CCSER1: variants seen among roughly 807,000 people sequenced by gnomAD.
CCSER1 encodes serine-rich coiled-coil domain-containing protein 1.
In CCSER1, 41 loss-of-function variants were observed where a neutral mutation model predicts 82.0. The ratio of observed to expected loss-of-function variants is 0.50; its 90% CI spans 0.39 to 0.65. The LOEUF is 0.65. CCSER1 is among the 30% of genes least tolerant of loss of function. CCSER1 has a pLI of 0.00. For synonymous variants in CCSER1, 414 were observed against 383.9 expected (o/e 1.08, Z -0.92); for missense variants, 1,119 against 1,064.2 (o/e 1.05, Z -0.72).
intron 1 of CCSER1, among the ~76,000 whole-genome samples, chr4:90,233,165 A>G (rs1017358194): frequency 6.6e-6 from 1 of 152,158 alleles, no homozygotes; most frequent in African/African-American, 2.4e-5. Flanking sequence ...CTATAAAGAG[A>G]CATGACACGT....
chr4:90,594,387 A>T (rs1345430682), intron 5 of CCSER1, among the ~76,000 whole-genome samples: 2 of 151,990 alleles, frequency 1.3e-5, no homozygotes, highest in Non-Finnish European at 2.9e-5. Context: ...CTCCCCCATG[A>T]TATGTATATA....
At chr4:90,455,503 G>A (rs1762048741) in intron 4 of CCSER1, among the ~76,000 whole-genome samples, 1 of 152,176 alleles carries the variant, frequency 6.6e-6, no homozygotes, top group African/African-American at 2.4e-5. Context: ...GTTGAAGATG[G>A]TTGGTTACCC....
At chr4:90,488,399 G>A (rs1186367475) in intron 5 of CCSER1, among the ~76,000 whole-genome samples, 1 of 152,058 alleles carries the variant, frequency 6.6e-6, no homozygotes, top group Non-Finnish European at 1.5e-5. Context: ...TGTTGGCCAG[G>A]CTGATTTCAA....
chr4:91,197,465 A>C (rs548134930), intron 10 of CCSER1, among the ~76,000 whole-genome samples: 175 of 152,180 alleles, frequency 1.1e-3, no homozygotes, highest in Non-Finnish European at 2.0e-3. Context: ...ACTGTTGGGC[A>C]CTTAAATGTA....
At chr4:90,967,790 A>G (rs1245198961) in intron 9 of CCSER1, among the ~76,000 whole-genome samples, 1 of 152,098 alleles carries the variant, frequency 6.6e-6, no homozygotes, top group Non-Finnish European at 1.5e-5. Context: ...CCTAAGAAAC[A>G]TATTTTTTCA....
chr4:91,595,716 GTGTC>G (rs1764532064), intron 10 of CCSER1, among the ~76,000 whole-genome samples: 1 of 151,990 alleles, frequency 6.6e-6, no homozygotes, highest in South Asian at 2.1e-4. Context: ...AAACTAGAAA[GTGTC>G]TGACTTGAAG....
chr4:91,409,138 T>C (rs1393818116), intron 10 of CCSER1, among the ~76,000 whole-genome samples: 1 of 152,174 alleles, frequency 6.6e-6, no homozygotes, highest in Non-Finnish European at 1.5e-5. Flanking sequence ...AAAAGAATCA[T>C]TTACAATAGT....
chr4:91,336,504 C>T (rs567028657), intron 10 of CCSER1, among the ~76,000 whole-genome samples: 19 of 152,054 alleles, frequency 1.2e-4, no homozygotes, highest in Non-Finnish European at 2.4e-4. Flanking sequence ...ATGCAAAACA[C>T]ATCTTTGATA....
At chr4:90,672,479 T>C (rs543238676) in intron 6 of CCSER1, among the ~76,000 whole-genome samples, 13 of 152,178 alleles carry the variant, frequency 8.5e-5, no homozygotes, top group Middle Eastern at 3.4e-3. Flanking sequence ...GATTAGGCCT[T>C]GGTTTAAGGG....
At chr4:90,170,404 C>CT (rs60642438) in intron 1 of CCSER1, among the ~76,000 whole-genome samples, 6,904 of 141,992 alleles carry the variant, frequency 0.049, 221 homozygotes, top group African/African-American at 0.091. Flanking sequence ...AACAGCTAAC[C>CT]TTTTTTTTTT....
chr4:91,505,184 A>G (rs1013811980), intron 10 of CCSER1, among the ~76,000 whole-genome samples: 2 of 152,188 alleles, frequency 1.3e-5, no homozygotes, highest in African/African-American at 4.8e-5. Context: ...TTTAAGTGAG[A>G]ACATACAGTG....
At position 90,844,674 on chromosome 4, in the gene CCSER1, C is replaced by A. The variant is rs907669186; in HGVS notation, c.2094+28829C>A. On this transcript the variant is annotated intron_variant, in intron 8 of 10. Coordinates refer to ENST00000509176, the MANE Select transcript of CCSER1 (RefSeq NM_001145065.2). ...TGTCCCCCACACCACTTGTTTCATT[C>A]CTATTATCCTGCTTTTTTTTTCTCT... Among the ~76,000 whole-genome samples the A allele has an allele frequency of 6.6e-5, 10 of 152,264 alleles. 1 individual carries two copies. The Middle Eastern group carries it at 0.02, about 311-fold the overall frequency.
chr4:90,135,809 G>A (rs765162455), intron 1 of CCSER1, among the ~76,000 whole-genome samples: 37 of 152,122 alleles, frequency 2.4e-4, no homozygotes, highest in Admixed American at 8.5e-4. Flanking sequence ...GTTGAAGTCC[G>A]TCAGTTTCAA....
At chr4:91,253,297 A>G (rs1409056101) in intron 10 of CCSER1, among the ~76,000 whole-genome samples, 1 of 152,148 alleles carries the variant, frequency 6.6e-6, no homozygotes. Flanking sequence ...CTTTAAGAAT[A>G]CATTATATAA....
At chr4:90,810,069 T>C (rs746350880) in intron 7 of CCSER1, among the ~76,000 whole-genome samples, 3 of 152,192 alleles carry the variant, frequency 2.0e-5, no homozygotes, top group African/African-American at 7.2e-5. Context: ...AAAATGGGTA[T>C]ACTGCTGTTT....
chr4:90,224,163 C>T (rs572098173), intron 1 of CCSER1, among the ~76,000 whole-genome samples: 5 of 152,260 alleles, frequency 3.3e-5, no homozygotes, highest in African/African-American at 9.6e-5. Context: ...GTACAGAACC[C>T]AGCTAATCAA....
intron 10 of CCSER1, among the ~76,000 whole-genome samples, chr4:91,512,275 G>A (rs1255331959): frequency 6.6e-6 from 1 of 152,188 alleles, no homozygotes; most frequent in Admixed American, 6.5e-5. Context: ...AACTGCCAGT[G>A]TGATTAGAAT....
At chr4:90,561,430 G>T (rs1339236884) in intron 5 of CCSER1, among the ~76,000 whole-genome samples, 1 of 152,208 alleles carries the variant, frequency 6.6e-6, no homozygotes, top group African/African-American at 2.4e-5. Context: ...TTAGCTGAAA[G>T]ATGTGTAAAA....
At chr4:91,072,019 A>T (rs1202612325) in intron 9 of CCSER1, among the ~76,000 whole-genome samples, 1 of 152,186 alleles carries the variant, frequency 6.6e-6, no homozygotes, top group Non-Finnish European at 1.5e-5. Flanking sequence ...AAACACCATC[A>T]CAAACAACCA....
Sources: gnomAD v4.1 joint callset for allele counts (sites outside exome capture counted in the v4.1 genomes callset) on GRCh38, gnomAD v4.1.1 for gene constraint, MANE v1.5 for transcripts, NCBI Gene and HGNC (gene_info 2026-07-23, HGNC 2026-07-21) for gene names.